The following TSPAN12 variants were observed in gnomAD, a reference collection of about 807,000 sequenced individuals.
TSPAN12 encodes tetraspanin-12.
TSPAN12 carries 19 observed loss-of-function variants against 39.2 expected under a neutral mutation model. The ratio of observed to expected loss-of-function variants is 0.49; its 90% CI spans 0.34 to 0.71. The LOEUF is 0.71. Among genes scored for constraint, TSPAN12 ranks in the 30% least tolerant of loss-of-function variants. The probability of loss-of-function intolerance (pLI) is 0.01; values close to 1 mark genes in which losing one functional copy is unlikely to be tolerated. For synonymous variants in TSPAN12, 119 were observed against 124.8 expected, an observed-to-expected ratio of 0.95 and a Z score of 0.31; for missense variants, 314 against 359.9, an observed-to-expected ratio of 0.87 and a Z score of 1.03.
chr7:120,838,979 G>T, intron 3 of TSPAN12, 67 bp from the exon 4 acceptor site: 2 of 1,500,524 alleles, frequency 1.3e-6, no homozygotes, highest in Non-Finnish European at 1.9e-6. Context: ...CATAGCAGAA[G>T]ACACAACTGT....
chr7:120,836,414 C>T (rs2116458001), intron 4 of TSPAN12, among the ~76,000 whole-genome samples: 1 of 152,292 alleles, frequency 6.6e-6, no homozygotes, highest in Middle Eastern at 3.4e-3. Context: ...ATGTAGATGT[C>T]ACCTAGGGAC....
rs1303943634 is a variant in TSPAN12, at chr7:120,788,551, CAGTAA to C, written c.*36_*40del. ...GTATGTACTCAAAAATTCACAAGTC[CAGTAA>C]AACAAGTTTGTGGTTTTCTTCTGTG... On this transcript the variant is annotated 3_prime_UTR_variant, in exon 8 of 8. Coordinates refer to ENST00000222747, the MANE Select transcript of TSPAN12 (RefSeq NM_012338.4). 6.2e-7 allele frequency: 1 copy of C among 1,612,310 alleles called. No individual in the cohort carries two copies. The highest frequency in any genetic ancestry group is 2.2e-5 in the East Asian group (1 of 44,866).
At chr7:120,808,879 T>C (rs78592670) in intron 6 of TSPAN12, among the ~76,000 whole-genome samples, 2,113 of 151,940 alleles carry the variant, frequency 0.014, 22 homozygotes, top group Middle Eastern at 0.041. Context: ...TATTTGGAGA[T>C]AGAGTTTATA....
rs1213474160 is a variant in TSPAN12 at position 120,787,445 on chromosome 7, T to TA, written c.*1146dup. On this transcript the variant is annotated 3_prime_UTR_variant, in exon 8 of 8. Transcript: ENST00000222747. ...TTCAAATAAATATACTATACTCTTG[T>TA]AAAAAAATTTAATAATCTGTGTAAT... 1.3e-5 allele frequency: 2 copies of TA among 152,544 alleles called. No homozygotes were observed. Among genetic ancestry groups the TA allele is most frequent in the Non-Finnish European group, 2.9e-5 (2 of 67,984 alleles). 9.4% of individuals were successfully genotyped at this position (152,544 alleles called of 1,614,324 possible).
At chr7:120,808,956 AG>A (rs1793926349) in intron 6 of TSPAN12, among the ~76,000 whole-genome samples, 1 of 151,016 alleles carries the variant, frequency 6.6e-6, no homozygotes, top group Admixed American at 6.6e-5. Context: ...TGTACTTATT[AG>A]GAGAGGGTAT....
intron 4 of TSPAN12, among the ~76,000 whole-genome samples, chr7:120,825,718 T>C (rs955530684): frequency 6.6e-6 from 1 of 152,184 alleles, no homozygotes; most frequent in African/African-American, 2.4e-5. Flanking sequence ...CATTGCCAAA[T>C]ATTTGTACAA....
intron 7 of TSPAN12, among the ~76,000 whole-genome samples, chr7:120,795,105 A>G (rs1793605991): frequency 6.6e-6 from 1 of 152,248 alleles, no homozygotes; most frequent in Non-Finnish European, 1.5e-5. Context: ...GCAAATGATA[A>G]AATTCAAAAC....
At chr7:120,791,232 G>T (rs1176399285) in intron 7 of TSPAN12, among the ~76,000 whole-genome samples, 1 of 151,936 alleles carries the variant, frequency 6.6e-6, no homozygotes, top group Non-Finnish European at 1.5e-5. Context: ...GGGAGGCTGA[G>T]ACATGAGAAT....
chr7:120,812,948 T>G (rs1794009522), intron 5 of TSPAN12, among the ~76,000 whole-genome samples: 1 of 152,208 alleles, frequency 6.6e-6, no homozygotes, highest in South Asian at 2.1e-4. Flanking sequence ...ATTTAGTTAA[T>G]ATATCAATTT....
chr7:120,798,888 G>A lies in TSPAN12; in HGVS notation c.612+7661C>T, dbSNP rs574936545. On this transcript the variant is annotated intron_variant, in intron 7 of 7. Coordinates refer to ENST00000222747, the MANE Select transcript of TSPAN12 (RefSeq NM_012338.4). ...AGCTACTTATTCTTTAAGATTAGAA[G>A]CCCAAAGAGTTACTACCACTACTAT... is the stretch of plus-strand genomic sequence containing the variant. Among the ~76,000 whole-genome samples the A allele has an allele frequency of 2.6e-5, 4 of 152,236 alleles. No homozygotes were observed. The East Asian group carries it at 7.7e-4, about 29-fold the overall frequency.
chr7:120,808,319 A>G (rs1793914010), intron 6 of TSPAN12, among the ~76,000 whole-genome samples: 1 of 152,286 alleles, frequency 6.6e-6, no homozygotes, highest in East Asian at 1.9e-4. Flanking sequence ...AAGCATTTGT[A>G]TATAATTGTC....
intron 2 of TSPAN12, among the ~76,000 whole-genome samples, chr7:120,852,774 A>C (rs1794792963): frequency 6.6e-6 from 1 of 152,234 alleles, no homozygotes; most frequent in African/African-American, 2.4e-5. Context: ...GATAAAAAAC[A>C]AAACTGGACT....
intron 6 of TSPAN12, 118 bp downstream of exon 6, chr7:120,810,345 G>T: frequency 1.4e-6 from 1 of 727,404 alleles, no homozygotes. Flanking sequence ...AGAGGTTACT[G>T]AATCACAGGC....
At chr7:120,850,265 C>T (rs1794746154) in intron 2 of TSPAN12, among the ~76,000 whole-genome samples, 1 of 152,162 alleles carries the variant, frequency 6.6e-6, no homozygotes, top group African/African-American at 2.4e-5. Flanking sequence ...ATAGGGTGAC[C>T]ATGCATCCTG....
At chr7:120,855,669 T>A (rs1047130480) in intron 2 of TSPAN12, among the ~76,000 whole-genome samples, 1 of 152,182 alleles carries the variant, frequency 6.6e-6, no homozygotes, top group African/African-American at 2.4e-5. Context: ...ATTTTCAGAT[T>A]ACTCACTGAA....
At chr7:120,839,886 G>A in intron 3 of TSPAN12, 141 bp downstream of exon 3, 1 of 690,230 alleles carries the variant, frequency 1.4e-6, no homozygotes, top group Non-Finnish European at 2.6e-6. Context: ...TCTGGAGGAT[G>A]CAAGTGTCTG....
chr7:120,846,114 G>C (rs115018885), intron 2 of TSPAN12, among the ~76,000 whole-genome samples: 4,069 of 152,192 alleles, frequency 0.027, 179 homozygotes, highest in African/African-American at 0.094. Flanking sequence ...AGAGAGAAGG[G>C]GGAGGTGCTA....
intron 3 of TSPAN12, among the ~76,000 whole-genome samples, 177 bp from the exon 4 acceptor site, chr7:120,839,089 C>T (rs935687988): frequency 3.9e-5 from 6 of 152,142 alleles, no homozygotes; most frequent in African/African-American, 1.2e-4. Context: ...TTTATTTGCT[C>T]GGTTGCTTTA....
chr7:120,819,132 T>C (rs1794139344), intron 4 of TSPAN12, among the ~76,000 whole-genome samples: 1 of 152,120 alleles, frequency 6.6e-6, no homozygotes, highest in African/African-American at 2.4e-5. Flanking sequence ...ATTTGTTTCA[T>C]ATTTGATATC....
Sources: allele counts gnomAD v4.1 joint callset (sites outside exome capture counted in the v4.1 genomes callset), GRCh38; gene constraint gnomAD v4.1.1; transcripts MANE v1.5; gene names NCBI Gene and HGNC (gene_info 2026-07-23, HGNC 2026-07-21).